The following ASTN2 variants were observed in gnomAD, a reference collection of about 807,000 sequenced individuals.
The protein encoded by ASTN2 is astrotactin-2.
A neutral mutation model predicts 139.8 loss-of-function variants in ASTN2; 54 were observed. The observed-to-expected ratio is 0.39, with a 90% CI of 0.31 to 0.48. The LOEUF (loss-of-function observed/expected upper bound fraction) is 0.48. Ranked by LOEUF, ASTN2 falls within the 20% of genes least tolerant of loss-of-function variation. The pLI is 0.95. For synonymous variants in ASTN2, 756 were observed against 719.5 expected (o/e 1.05, Z -0.81); for missense variants, 1,565 against 1,725.1 (o/e 0.91, Z 1.64).
chr9:116,949,040 C>T (rs903953375), intron 10 of ASTN2, among the ~76,000 whole-genome samples: 2 of 152,078 alleles, frequency 1.3e-5, no homozygotes, highest in Admixed American at 6.5e-5. Flanking sequence ...CTGCCCACCT[C>T]GGCCTCCCAA....
chr9:116,446,135 G>C (rs886444980), intron 20 of ASTN2, among the ~76,000 whole-genome samples: 23 of 151,854 alleles, frequency 1.5e-4, no homozygotes, highest in African/African-American at 5.3e-4. Flanking sequence ...GAGAAGTTGG[G>C]GGGGGACAGA....
chr9:116,870,852 C>T (rs906180499), intron 10 of ASTN2, among the ~76,000 whole-genome samples: 1 of 152,154 alleles, frequency 6.6e-6, no homozygotes, highest in African/African-American at 2.4e-5. Context: ...GATGCCAAGC[C>T]AAGACAGTGA....
At chr9:116,438,676 G>A (rs1356674655) in intron 22 of ASTN2, among the ~76,000 whole-genome samples, 1 of 152,224 alleles carries the variant, frequency 6.6e-6, no homozygotes, top group African/African-American at 2.4e-5. Flanking sequence ...GCCGGGCGGT[G>A]GCTCACGCCT....
At chr9:117,339,890 G>C (rs1333743410) in intron 1 of ASTN2, among the ~76,000 whole-genome samples, 1 of 137,934 alleles carries the variant, frequency 7.2e-6, no homozygotes, top group Non-Finnish European at 1.6e-5. Context: ...GTTAAGCCAG[G>C]AAATAGTCTC....
At chr9:116,620,811 T>C (rs1676567780) in intron 17 of ASTN2, among the ~76,000 whole-genome samples, 1 of 152,120 alleles carries the variant, frequency 6.6e-6, no homozygotes, top group South Asian at 2.1e-4. Flanking sequence ...AGAAAGTAAA[T>C]AACTTGACTG....
intron 20 of ASTN2, among the ~76,000 whole-genome samples, chr9:116,462,991 C>G (rs1224802590): frequency 1.3e-5 from 2 of 152,094 alleles, no homozygotes. Flanking sequence ...GTCATCCTCC[C>G]CATCATGGTG....
At chr9:117,157,794 T>C (rs1478091418) in intron 3 of ASTN2, among the ~76,000 whole-genome samples, 2 of 152,120 alleles carry the variant, frequency 1.3e-5, no homozygotes, top group Admixed American at 6.6e-5. Context: ...CCCATCGTGA[T>C]GAGGCTTAAA....
intron 1 of ASTN2, among the ~76,000 whole-genome samples, chr9:117,373,374 C>T (rs540409735): frequency 2.3e-4 from 35 of 152,234 alleles, no homozygotes; most frequent in African/African-American, 7.0e-4. Context: ...GTGTGAGGTG[C>T]TCAAGCCAAG....
chr9:116,723,732 A>G (rs956438651), intron 16 of ASTN2, among the ~76,000 whole-genome samples: 2 of 152,172 alleles, frequency 1.3e-5, no homozygotes, highest in African/African-American at 4.8e-5. Flanking sequence ...TCTACCATCT[A>G]GGTGGTCACA....
chr9:116,686,677 T>G (rs745543294), intron 16 of ASTN2: 5 of 1,549,364 alleles, frequency 3.2e-6, no homozygotes, highest in Non-Finnish European at 4.4e-6. Context: ...AAACTACACT[T>G]GGTTTGGGTT....
At chr9:117,270,833 CT>C (rs1288459181) in intron 2 of ASTN2, among the ~76,000 whole-genome samples, 4 of 152,198 alleles carry the variant, frequency 2.6e-5, no homozygotes, top group Non-Finnish European at 5.9e-5. Context: ...ACTATTATCA[CT>C]TAAGTGGAAT....
chr9:116,475,840 G>A (rs940372797), intron 20 of ASTN2, among the ~76,000 whole-genome samples: 2 of 152,038 alleles, frequency 1.3e-5, no homozygotes, highest in African/African-American at 2.4e-5. Flanking sequence ...TGAGGTCCTC[G>A]CCTGCCTCCA....
At chr9:116,778,133 G>A (rs1454704467) in intron 13 of ASTN2, among the ~76,000 whole-genome samples, 3 of 152,104 alleles carry the variant, frequency 2.0e-5, no homozygotes, top group Admixed American at 1.3e-4. Flanking sequence ...TGCCTGGCCT[G>A]TAAATTGCAT....
intron 13 of ASTN2, among the ~76,000 whole-genome samples, chr9:116,777,732 C>T (rs940329743): frequency 3.3e-5 from 5 of 152,158 alleles, no homozygotes; most frequent in Non-Finnish European, 1.5e-5. Context: ...ATTCCAGTTC[C>T]GCTCAGATAT....
intron 22 of ASTN2, among the ~76,000 whole-genome samples, chr9:116,430,695 A>G (rs906710016): frequency 6.6e-6 from 1 of 152,250 alleles, no homozygotes; most frequent in African/African-American, 2.4e-5. Flanking sequence ...TGATGGCTAC[A>G]AGCAACCAAC....
intron 4 of ASTN2, among the ~76,000 whole-genome samples, chr9:117,129,610 G>T (rs1370672574): frequency 6.6e-6 from 1 of 151,898 alleles, no homozygotes; most frequent in East Asian, 1.9e-4. Context: ...ATTATTATTA[G>T]TAGTAGTTTC....
chr9:116,553,074 TGTC>T (rs1852426355), intron 19 of ASTN2, among the ~76,000 whole-genome samples: 1 of 152,140 alleles, frequency 6.6e-6, no homozygotes, highest in African/African-American at 2.4e-5. Context: ...TCTTAAAAGA[TGTC>T]TGAGTTAGGC....
intron 16 of ASTN2, among the ~76,000 whole-genome samples, chr9:116,672,923 A>G (rs780338950): frequency 2.0e-5 from 3 of 152,200 alleles, no homozygotes; most frequent in Non-Finnish European, 4.4e-5. Context: ...TATAATGAAC[A>G]TTACTCCATA....
At chr9:116,651,422 T>TG (rs1857906120) in intron 17 of ASTN2, 106 bp downstream of exon 17, 9 of 1,259,010 alleles carry the variant, frequency 7.1e-6, no homozygotes, top group Admixed American at 2.2e-5. Context: ...ATGATGATGA[T>TG]ATGATGATGA....
Sources: allele counts gnomAD v4.1 joint callset (sites outside exome capture counted in the v4.1 genomes callset), GRCh38; gene constraint gnomAD v4.1.1; transcripts MANE v1.5; gene names NCBI Gene and HGNC (gene_info 2026-07-23, HGNC 2026-07-21).